ASCC3: variants seen among roughly 807,000 people sequenced by gnomAD.
The protein encoded by ASCC3 is ASC-1 complex subunit P200.
In ASCC3, 158 loss-of-function variants were observed where a neutral mutation model predicts 256.3. The ratio of observed to expected loss-of-function variants is 0.62; its 90% CI spans 0.54 to 0.70. The LOEUF (loss-of-function observed/expected upper bound fraction) is 0.70, where lower values mean the gene tolerates loss of function less well. Ranked by LOEUF, ASCC3 falls within the 30% of genes least tolerant of loss-of-function variation. ASCC3 has a pLI of 0.00. For synonymous variants in ASCC3, 948 were observed against 883.4 expected, an observed-to-expected ratio of 1.07 and a Z score of -1.30; for missense variants, 2,259 against 2,626.0, an observed-to-expected ratio of 0.86 and a Z score of 3.05.
intron 4 of ASCC3, among the ~76,000 whole-genome samples, chr6:100,842,540 G>A (rs1772194109): frequency 6.6e-6 from 1 of 152,054 alleles, no homozygotes; most frequent in Non-Finnish European, 1.5e-5. Flanking sequence ...CTTCTATTAA[G>A]CCAAACATTG....
At chr6:100,596,087 C>T (rs116220562) in intron 34 of ASCC3, among the ~76,000 whole-genome samples, 2,469 of 152,038 alleles carry the variant, frequency 0.016, 66 homozygotes, top group African/African-American at 0.056. Context: ...CTATACCTTT[C>T]GTTTTGATTT....
intron 10 of ASCC3, among the ~76,000 whole-genome samples, chr6:100,761,234 T>C (rs1781405440): frequency 6.6e-6 from 1 of 152,184 alleles, no homozygotes; most frequent in South Asian, 2.1e-4. Flanking sequence ...CTGATATCTA[T>C]AATCCTAGCA....
chr6:100,515,693 G>T (rs766543177), intron 39 of ASCC3, among the ~76,000 whole-genome samples: 4 of 152,112 alleles, frequency 2.6e-5, no homozygotes, highest in Non-Finnish European at 4.4e-5. Flanking sequence ...GAAGCAAAGT[G>T]ATTATAATAA....
At chr6:100,562,419 C>A (rs1050842565) in intron 36 of ASCC3, among the ~76,000 whole-genome samples, 2 of 152,028 alleles carry the variant, frequency 1.3e-5, no homozygotes, top group Non-Finnish European at 2.9e-5. Context: ...AGACTAGAGT[C>A]TGCTAAGAAT....
At chr6:100,661,360 A>ACACACACACACAC (rs1346997501) in intron 16 of ASCC3, among the ~76,000 whole-genome samples, 2 of 80,752 alleles carry the variant, frequency 2.5e-5, no homozygotes, top group Non-Finnish European at 6.7e-5. Context: ...CACACACACA[A>ACACACACACACAC]AACAAATGAT....
chr6:100,830,773 G>A (rs556952136), intron 4 of ASCC3, among the ~76,000 whole-genome samples: 9 of 152,256 alleles, frequency 5.9e-5, no homozygotes, highest in African/African-American at 2.2e-4. Flanking sequence ...ACTGTTTCTG[G>A]GCATCAGGTG....
chr6:100,704,225 G>C (rs1408148559), intron 13 of ASCC3, among the ~76,000 whole-genome samples: 1 of 151,924 alleles, frequency 6.6e-6, no homozygotes, highest in African/African-American at 2.4e-5. Context: ...TGGTAAAGAT[G>C]AAGGAGAAAT....
At chr6:100,842,130 A>T (rs1339908192) in intron 4 of ASCC3, among the ~76,000 whole-genome samples, 2 of 152,216 alleles carry the variant, frequency 1.3e-5, no homozygotes, top group South Asian at 2.1e-4. Context: ...AATCTGGCTG[A>T]TATGATATCA....
At chr6:100,733,169 A>G (rs1178966906) in intron 10 of ASCC3, among the ~76,000 whole-genome samples, 2 of 152,198 alleles carry the variant, frequency 1.3e-5, no homozygotes, top group African/African-American at 4.8e-5. Context: ...AGCTTCAAAT[A>G]GAGACAAAAG....
At chr6:100,683,911 A>G (rs1467811665) in intron 13 of ASCC3, among the ~76,000 whole-genome samples, 1 of 152,176 alleles carries the variant, frequency 6.6e-6, no homozygotes, top group Admixed American at 6.5e-5. Flanking sequence ...CATAAACTGC[A>G]AAAGCCTTTT....
intron 4 of ASCC3, among the ~76,000 whole-genome samples, chr6:100,814,097 A>C (rs143177702): frequency 6.6e-6 from 1 of 152,062 alleles, no homozygotes; most frequent in African/African-American, 2.4e-5. Context: ...GGCTCTTACT[A>C]TTTTGAGGTA....
At chr6:100,638,890 A>G (rs1774977290) in intron 24 of ASCC3, 69 bp from the exon 25 acceptor site, 1 of 1,222,618 alleles carries the variant, frequency 8.2e-7, no homozygotes, top group Non-Finnish European at 1.2e-6. Context: ...ACTGTATTAT[A>G]AATAATAGAT....
intron 36 of ASCC3, among the ~76,000 whole-genome samples, chr6:100,555,186 G>T (rs1287008978): frequency 6.6e-6 from 1 of 151,520 alleles, no homozygotes; most frequent in African/African-American, 2.4e-5. Context: ...CTAAAATCCA[G>T]CTAATTAAAA....
rs141048490 is a variant in ASCC3 at position 100,595,610 on chromosome 6, T to C, written c.5304-5551A>G. The stretch of plus-strand genomic sequence containing the variant: ...TCCATAAAGAACCCATTGTTCAGCA[T>C]AGCACTGAAAAGAGAAGTGGACAGG... On this transcript the variant is annotated intron_variant, in intron 34 of 41. Transcript: ENST00000369162. 1.5e-4 allele frequency among the ~76,000 whole-genome samples: 23 copies of C among 152,258 alleles called. No homozygotes were observed. The East Asian group carries it at 4.1e-3, about 27-fold the overall frequency.
intron 10 of ASCC3, among the ~76,000 whole-genome samples, chr6:100,750,371 G>A (rs184541588): frequency 5.3e-4 from 81 of 152,092 alleles, no homozygotes; most frequent in African/African-American, 1.9e-3. Flanking sequence ...GGATGCCTTA[G>A]GAGAAGAAAT....
intron 8 of ASCC3, among the ~76,000 whole-genome samples, chr6:100,785,713 ATTTACACT>A (rs1769037544): frequency 5.3e-5 from 8 of 152,150 alleles, no homozygotes; most frequent in Non-Finnish European, 8.8e-5. Context: ...TGCCCAGCTC[ATTTACACT>A]GTATAAAATA....
intron 34 of ASCC3, among the ~76,000 whole-genome samples, chr6:100,600,204 T>TGCGC (rs201330586): frequency 5.1e-5 from 5 of 98,008 alleles, no homozygotes; most frequent in Non-Finnish European, 1.0e-4. Context: ...CACATGCACA[T>TGCGC]GCACACACAC....
intron 8 of ASCC3, among the ~76,000 whole-genome samples, chr6:100,787,450 T>C (rs767658087): frequency 6.6e-5 from 10 of 152,072 alleles, no homozygotes; most frequent in Non-Finnish European, 1.0e-4. Flanking sequence ...GATATTAAGA[T>C]TTAAATCCTC....
intron 33 of ASCC3, among the ~76,000 whole-genome samples, chr6:100,604,567 C>T (rs986517000): frequency 6.6e-6 from 1 of 151,828 alleles, no homozygotes; most frequent in African/African-American, 2.4e-5. Context: ...CCTCCTGCTG[C>T]CTCAGGACCA....
Sources: gnomAD v4.1 joint callset for allele counts (sites outside exome capture counted in the v4.1 genomes callset) on GRCh38, gnomAD v4.1.1 for gene constraint, MANE v1.5 for transcripts, NCBI Gene and HGNC (gene_info 2026-07-23, HGNC 2026-07-21) for gene names.